The following SEMA5A variants were observed in gnomAD, a reference collection of about 807,000 sequenced individuals.
SEMA5A encodes semaphorin 5A.
A neutral mutation model predicts 135.5 loss-of-function variants in SEMA5A; 55 were observed. The observed-to-expected ratio is 0.41, with a 90% CI of 0.33 to 0.51. The LOEUF is 0.51. SEMA5A is among the 20% of genes least tolerant of loss of function. SEMA5A has a pLI of 0.37. For synonymous variants in SEMA5A, 580 were observed against 546.5 expected (o/e 1.06, Z -0.85); for missense variants, 1,290 against 1,419.9 (o/e 0.91, Z 1.47).
At chr5:9,400,066 C>T (rs1238628558) in intron 2 of SEMA5A, among the ~76,000 whole-genome samples, 1 of 152,092 alleles carries the variant, frequency 6.6e-6, no homozygotes, top group African/African-American at 2.4e-5. Context: ...GAACAGAAAA[C>T]CAAACACCAC....
chr5:9,209,993 A>C (rs1009474904), intron 8 of SEMA5A, among the ~76,000 whole-genome samples: 2 of 152,200 alleles, frequency 1.3e-5, no homozygotes, highest in Non-Finnish European at 2.9e-5. Flanking sequence ...ATGAACATTG[A>C]GCCATTTCCC....
chr5:9,520,412 G>C (rs1001367650), intron 1 of SEMA5A, among the ~76,000 whole-genome samples: 1 of 152,180 alleles, frequency 6.6e-6, no homozygotes, highest in African/African-American at 2.4e-5. Flanking sequence ...CTGAAATGGA[G>C]TGAGGGGAAC....
intron 1 of SEMA5A, among the ~76,000 whole-genome samples, chr5:9,477,412 A>G (rs533148822): frequency 2.6e-4 from 40 of 152,338 alleles, no homozygotes; most frequent in African/African-American, 8.7e-4. Flanking sequence ...TGGAGGGCTC[A>G]GAAGACAGGA....
chr5:9,156,206 A>G (rs756225136), intron 11 of SEMA5A, among the ~76,000 whole-genome samples: 8 of 152,222 alleles, frequency 5.3e-5, no homozygotes, highest in Non-Finnish European at 1.0e-4. Context: ...GAAAAAATTT[A>G]TGTCTTAATT....
chr5:9,220,154 T>C (rs1205753569), intron 8 of SEMA5A, among the ~76,000 whole-genome samples: 1 of 152,148 alleles, frequency 6.6e-6, no homozygotes, highest in Non-Finnish European at 1.5e-5. Context: ...AGCTAAGCTA[T>C]GAGGATGCAA....
intron 1 of SEMA5A, among the ~76,000 whole-genome samples, chr5:9,470,429 A>C (rs1759434128): frequency 6.6e-6 from 1 of 152,200 alleles, no homozygotes; most frequent in Non-Finnish European, 1.5e-5. Flanking sequence ...TAAAATAAAG[A>C]TCATTGAATT....
At position 9,035,392 on chromosome 5, in the gene SEMA5A, G is replaced by T. The variant is rs1262400863; in HGVS notation, c.*7505C>A. 2 of 152,040 alleles carry T rather than the reference G, an allele frequency of 1.3e-5. No individual in the cohort carries two copies. The highest frequency in any genetic ancestry group is 4.8e-5 in the African/African-American group (2 of 41,400). 9.4% of individuals were successfully genotyped at this position (152,040 alleles called of 1,614,324 possible). On this transcript the variant is annotated 3_prime_UTR_variant, in exon 23 of 23. Transcript: ENST00000382496. ...ATAAACGTGTTTGTTTCTCAAAGCTGAGGCTTGGAGCAGGTGTGAGTTGCC... is the reference window on the plus strand; with the variant it reads ...ATAAACGTGTTTGTTTCTCAAAGCTTAGGCTTGGAGCAGGTGTGAGTTGCC...
intron 3 of SEMA5A, among the ~76,000 whole-genome samples, chr5:9,353,016 T>C (rs1364251115): frequency 6.7e-6 from 1 of 148,534 alleles, no homozygotes; most frequent in Non-Finnish European, 1.5e-5. Flanking sequence ...CATAGTGTTT[T>C]AGAAATGAAA....
intron 13 of SEMA5A, among the ~76,000 whole-genome samples, chr5:9,132,376 G>T (rs1741482993): frequency 6.6e-6 from 1 of 152,176 alleles, no homozygotes; most frequent in Admixed American, 6.5e-5. Flanking sequence ...ATTAGGTCAG[G>T]AGGGCTCCTA....
At chr5:9,055,268 T>C (rs1172228544) in intron 18 of SEMA5A, among the ~76,000 whole-genome samples, 2 of 152,240 alleles carry the variant, frequency 1.3e-5, no homozygotes, top group Non-Finnish European at 2.9e-5. Context: ...TCCTTGTTAT[T>C]GCTGAGTCCC....
chr5:9,272,792 T>C (rs553169621), intron 5 of SEMA5A, among the ~76,000 whole-genome samples: 16 of 152,114 alleles, frequency 1.1e-4, no homozygotes, highest in African/African-American at 3.9e-4. Context: ...GAAGGAACAC[T>C]AACAAACAAA....
intron 2 of SEMA5A, among the ~76,000 whole-genome samples, chr5:9,386,390 C>G (rs1275163904): frequency 2.6e-5 from 4 of 152,158 alleles, no homozygotes; most frequent in African/African-American, 7.2e-5. Flanking sequence ...AAAAATCATG[C>G]TTTTAGAGGA....
intron 2 of SEMA5A, among the ~76,000 whole-genome samples, chr5:9,387,567 A>G (rs1755951434): frequency 6.6e-6 from 1 of 152,214 alleles, no homozygotes; most frequent in Admixed American, 6.5e-5. Context: ...GCGTTCAATG[A>G]AACAGGAATA....
At chr5:9,130,363 A>T (rs1463615657) in intron 13 of SEMA5A, among the ~76,000 whole-genome samples, 1 of 152,250 alleles carries the variant, frequency 6.6e-6, no homozygotes, top group African/African-American at 2.4e-5. Flanking sequence ...GAATGTAACA[A>T]AACAGAATGT....
intron 8 of SEMA5A, among the ~76,000 whole-genome samples, chr5:9,219,709 T>C (rs1044143916): frequency 2.0e-5 from 3 of 152,116 alleles, no homozygotes; most frequent in African/African-American, 7.2e-5. Context: ...CCTCCAGAAG[T>C]TTGGGCAAAT....
chr5:9,460,275 G>A lies in SEMA5A; in HGVS notation c.-174-22423C>T, dbSNP rs143797416. The stretch of plus-strand genomic sequence containing the variant: ...TGTAATGATAGGAGTTCATGGGTTA[G>A]AACAACTGTCAGTGAGTTCACAGAA... On this transcript the variant is annotated intron_variant, in intron 1 of 22. Coordinates refer to ENST00000382496, the MANE Select transcript of SEMA5A (RefSeq NM_003966.3). 7.9e-3 allele frequency among the ~76,000 whole-genome samples: 1,204 copies of A among 152,220 alleles called. 14 individuals carry two copies. Among genetic ancestry groups the A allele is most frequent in the Non-Finnish European group, 0.01 (710 of 67,998 alleles).
At chr5:9,537,875 G>A (rs1737853892) in intron 1 of SEMA5A, among the ~76,000 whole-genome samples, 1 of 152,206 alleles carries the variant, frequency 6.6e-6, no homozygotes, top group Non-Finnish European at 1.5e-5. Context: ...GAGTGCTAAA[G>A]GCCAGCTAGC....
chr5:9,493,764 G>A (rs1735157618), intron 1 of SEMA5A, among the ~76,000 whole-genome samples: 1 of 152,162 alleles, frequency 6.6e-6, no homozygotes, highest in Admixed American at 6.6e-5. Context: ...TTTCTTTGAT[G>A]CACTATCAGG....
At chr5:9,339,752 G>A (rs1306338751) in intron 3 of SEMA5A, among the ~76,000 whole-genome samples, 3 of 152,174 alleles carry the variant, frequency 2.0e-5, no homozygotes, top group African/African-American at 4.8e-5. Context: ...ATATGTGACA[G>A]CAAAGCTTTG....
Sources: allele counts gnomAD v4.1 joint callset (sites outside exome capture counted in the v4.1 genomes callset), GRCh38; gene constraint gnomAD v4.1.1; transcripts MANE v1.5; gene names NCBI Gene and HGNC (gene_info 2026-07-23, HGNC 2026-07-21).